Variants in SPOCK3 observed in about 807,000 individuals in gnomAD.
SPOCK3 encodes the protein SPARC (osteonectin), cwcv and kazal like domains proteoglycan 3, also known as testican-3.
Under a neutral mutation model 56.6 loss-of-function variants are expected in SPOCK3, and 30 were observed. The observed-to-expected ratio is 0.53, with a 90% CI of 0.40 to 0.72. The LOEUF (loss-of-function observed/expected upper bound fraction) is 0.72, where lower values mean the gene tolerates loss of function less well. SPOCK3 is among the 30% of genes least tolerant of loss of function. The pLI is 0.00. For synonymous variants in SPOCK3, 196 were observed against 183.3 expected (o/e 1.07, Z -0.56); for missense variants, 527 against 530.0 (o/e 0.99, Z 0.06).
At position 167,205,238 on chromosome 4, in the gene SPOCK3, C is replaced by CTATAATAT. The variant is rs1367145181; in HGVS notation, c.189+28746_189+28747insATATTATA. Among the ~76,000 whole-genome samples, 166 of 67,342 alleles carry CTATAATAT rather than the reference C, an allele frequency of 2.5e-3. 3 individuals are homozygous for CTATAATAT. The highest frequency in any genetic ancestry group is 3.5e-3 in the Non-Finnish European group (132 of 37,696). 44.2% of individuals were successfully genotyped at this position (67,342 alleles called of 152,430 possible). A position where few individuals can be genotyped will look rare whatever the true frequency, so the allele number is the denominator to read the frequency against. ...TATTATATATTTTATATCTATAATA[C>CTATAATAT]ATATTATATATTATATATATTTTAT... On this transcript the variant is annotated intron_variant, in intron 2 of 10. Coordinates refer to ENST00000357545, the MANE Select transcript of SPOCK3 (RefSeq NM_001040159.2).
rs116890894 is a variant in SPOCK3 at position 166,962,482 on chromosome 4, G to A, written c.350+37867C>T. On this transcript the variant is annotated intron_variant, in intron 4 of 10. Coordinates refer to ENST00000357545, the MANE Select transcript of SPOCK3 (RefSeq NM_001040159.2). ...TAGAACTTTTTTCAGTGTTTGTATC[G>A]TGATATTCAGCAGCATTAGAGAACC... Among the ~76,000 whole-genome samples, 134 of 152,162 alleles carry A rather than the reference G, an allele frequency of 8.8e-4. 3 individuals are homozygous for A. In the East Asian group the frequency reaches 0.015, roughly 17 times the overall value.
At chr4:166,968,153 C>T (rs1258773562) in intron 4 of SPOCK3, among the ~76,000 whole-genome samples, 2 of 152,172 alleles carry the variant, frequency 1.3e-5, no homozygotes, top group Non-Finnish European at 2.9e-5. Context: ...TGCTCATTCA[C>T]ATAAACAAAG....
At chr4:166,887,654 C>T (rs1308226827) in intron 6 of SPOCK3, among the ~76,000 whole-genome samples, 1 of 151,914 alleles carries the variant, frequency 6.6e-6, no homozygotes, top group African/African-American at 2.4e-5. Context: ...GAGATGAGGG[C>T]TGAGGACTAC....
intron 6 of SPOCK3, among the ~76,000 whole-genome samples, chr4:166,867,372 G>A (rs935175378): frequency 1.3e-5 from 2 of 151,820 alleles, no homozygotes; most frequent in African/African-American, 2.4e-5. Context: ...TTCCATACTC[G>A]TGAGAAAAAG....
intron 6 of SPOCK3, among the ~76,000 whole-genome samples, chr4:166,851,450 G>A (rs1207001068): frequency 2.0e-5 from 3 of 152,208 alleles, no homozygotes; most frequent in Admixed American, 6.5e-5. Flanking sequence ...CACCAGCAAC[G>A]GAACAAAGCT....
At chr4:166,878,966 A>G (rs1199975701) in intron 6 of SPOCK3, among the ~76,000 whole-genome samples, 1 of 152,212 alleles carries the variant, frequency 6.6e-6, no homozygotes, top group Non-Finnish European at 1.5e-5. Context: ...AGTGTCCAGC[A>G]TATACTAATA....
chr4:166,762,495 G>T (rs1363617744), intron 7 of SPOCK3, among the ~76,000 whole-genome samples: 1 of 149,782 alleles, frequency 6.7e-6, no homozygotes, highest in Non-Finnish European at 1.5e-5. Flanking sequence ...TGGGGAAAGA[G>T]AGTTGGGTAC....
chr4:166,888,846 C>T (rs1260786730), intron 6 of SPOCK3, among the ~76,000 whole-genome samples: 1 of 151,832 alleles, frequency 6.6e-6, no homozygotes, highest in East Asian at 1.9e-4. Flanking sequence ...ATGTTTTAGA[C>T]ACAACTGTTT....
chr4:166,906,994 A>G (rs1736696184), intron 5 of SPOCK3, among the ~76,000 whole-genome samples: 1 of 152,210 alleles, frequency 6.6e-6, no homozygotes, highest in Middle Eastern at 3.4e-3. Context: ...CATATTTAAA[A>G]TATTTAAAGT....
rs776268935 is a variant in SPOCK3, at chr4:166,912,664, G to A, written c.430C>T (p.Pro144Ser). Residue 144 changes from proline (P) to serine (S), a missense_variant, in exon 5 of 11, where the codon CCC becomes TCC. Pro to Ser is a moderately conservative substitution (Grantham distance 74). Transcript: ENST00000357545. Reference protein sequence around the residue: ...STCKQCPVVYPSPVCGSDGHT... With the variant: ...STCKQCPVVYSSPVCGSDGHT... Reference sequence around the variant, plus strand: ...CCATCTGAACCACAAACAGGGCTGGGATAGACCACTGGGCACTGCTTGCAG... The same window carrying A: ...CCATCTGAACCACAAACAGGGCTGGAATAGACCACTGGGCACTGCTTGCAG... 28 of 1,613,498 alleles carry A rather than the reference G, an allele frequency of 1.7e-5. 2 individuals carry two copies. In the South Asian group the frequency reaches 2.7e-4, roughly 16 times the overall value.
chr4:167,173,443 G>A (rs759514859), intron 2 of SPOCK3, among the ~76,000 whole-genome samples: 3 of 152,144 alleles, frequency 2.0e-5, no homozygotes, highest in Admixed American at 1.3e-4. Flanking sequence ...ACGGAAAGAA[G>A]TGTTAGTCTT....
At chr4:166,972,388 T>C (rs570094118) in intron 4 of SPOCK3, among the ~76,000 whole-genome samples, 1 of 152,224 alleles carries the variant, frequency 6.6e-6, no homozygotes, top group Admixed American at 6.5e-5. Flanking sequence ...ACATTCTAAA[T>C]AGCCGGGTTG....
intron 4 of SPOCK3, among the ~76,000 whole-genome samples, chr4:166,998,188 T>C (rs1464363071): frequency 6.6e-6 from 1 of 152,156 alleles, no homozygotes; most frequent in Non-Finnish European, 1.5e-5. Context: ...GAGCATGGAT[T>C]GAATGGACAT....
At chr4:167,034,222 A>G (rs542119149) in intron 3 of SPOCK3, among the ~76,000 whole-genome samples, 1 of 152,072 alleles carries the variant, frequency 6.6e-6, no homozygotes, top group Admixed American at 6.6e-5. Flanking sequence ...CATACACAAA[A>G]TTGTATTTAC....
chr4:167,204,768 C>T lies in SPOCK3; in HGVS notation c.189+29217G>A, dbSNP rs534466226. 3.3e-5 allele frequency among the ~76,000 whole-genome samples: 5 copies of T among 151,494 alleles called. No homozygotes were observed. The East Asian group carries it at 7.8e-4, about 24-fold the overall frequency. Reference sequence around the variant, plus strand: ...ACCTTTTAAAGTCACTGTTTTTTTTCGGGGTGGGGGGCGACGGGTCTTTGT... The same window carrying T: ...ACCTTTTAAAGTCACTGTTTTTTTTTGGGGTGGGGGGCGACGGGTCTTTGT... On this transcript the variant is annotated intron_variant, in intron 2 of 10. Coordinates refer to ENST00000357545, the MANE Select transcript of SPOCK3 (RefSeq NM_001040159.2).
At chr4:166,792,732 G>A (rs1373333652) in intron 6 of SPOCK3, among the ~76,000 whole-genome samples, 3 of 152,112 alleles carry the variant, frequency 2.0e-5, no homozygotes, top group African/African-American at 4.8e-5. Flanking sequence ...CTCAGTATAT[G>A]TAGGAATGCA....
intron 6 of SPOCK3, among the ~76,000 whole-genome samples, chr4:166,832,309 A>C (rs7669089): frequency 0.29 from 43,538 of 151,702 alleles, 8,648 homozygotes; most frequent in East Asian, 0.66. Context: ...ATGGCTAGCC[A>C]GCAATGAAAT....
chr4:167,053,748 C>A (rs537294632), intron 3 of SPOCK3, among the ~76,000 whole-genome samples: 1 of 151,654 alleles, frequency 6.6e-6, no homozygotes, highest in Non-Finnish European at 1.5e-5. Flanking sequence ...TCTAATGAAC[C>A]AGTAGATGTT....
intron 4 of SPOCK3, among the ~76,000 whole-genome samples, chr4:166,960,857 T>C (rs1234204450): frequency 6.6e-6 from 1 of 150,468 alleles, no homozygotes; most frequent in African/African-American, 2.5e-5. Flanking sequence ...AACTGGGAAC[T>C]GAATAGTTGG....
Sources: gnomAD v4.1 joint callset for allele counts (sites outside exome capture counted in the v4.1 genomes callset) on GRCh38, gnomAD v4.1.1 for gene constraint, MANE v1.5 for transcripts, NCBI Gene and HGNC (gene_info 2026-07-23, HGNC 2026-07-21) for gene names.